Variants in SEMA3D observed in about 807,000 individuals in gnomAD.
SEMA3D encodes semaphorin 3D, also known as semaphorin-3D.
Under a neutral mutation model 100.1 loss-of-function variants are expected in SEMA3D, and 84 were observed. That is an observed-to-expected ratio of 0.84 (90% CI 0.70 to 1.01). SEMA3D has a LOEUF of 1.01. Ranked by LOEUF, SEMA3D falls within the 50% of genes least tolerant of loss-of-function variation. The pLI, the probability that SEMA3D is intolerant of heterozygous loss-of-function variation, is 0.00. For synonymous variants in SEMA3D, 312 were observed against 320.7 expected (o/e 0.97, Z 0.29); for missense variants, 875 against 934.1 (o/e 0.94, Z 0.82).
intron 2 of SEMA3D, chr7:85,141,396 AAATT>A: frequency 2.0e-6 from 2 of 984,594 alleles, no homozygotes; most frequent in Non-Finnish European, 2.4e-6. Flanking sequence ...AATCCAGAGA[AAATT>A]AATCATTGTA....
chr7:85,207,764 G>T, the SEMA3D span, among the ~76,000 whole-genome samples: 10 of 151,886 alleles, frequency 6.6e-5, no homozygotes, highest in African/African-American at 1.4e-4. Context: ...TATTCACAAA[G>T]ATTTTCTTTA....
chr7:85,114,540 G>A lies in SEMA3D; in HGVS notation c.151+7201C>T, dbSNP rs549754205. On this transcript the variant is annotated intron_variant, in intron 3 of 18. Transcript: ENST00000284136. ...AGAAATGACTCATAGTAGCCCTGGA[G>A]AGCTGGTAGGGAAGTATGGGTGTGT... Among the ~76,000 whole-genome samples the A allele has an allele frequency of 6.6e-5, 10 of 152,228 alleles. No homozygotes were observed. In the South Asian group the frequency reaches 1.9e-3, roughly 28 times the overall value.
intron 12 of SEMA3D, among the ~76,000 whole-genome samples, chr7:85,036,459 A>T (rs534546952): frequency 6.6e-6 from 1 of 152,314 alleles, no homozygotes; most frequent in Admixed American, 6.5e-5. Context: ...ATACCAAAAA[A>T]GAGATAAATT....
At chr7:85,126,499 C>A (rs1789575592) in intron 2 of SEMA3D, among the ~76,000 whole-genome samples, 3 of 149,906 alleles carry the variant, frequency 2.0e-5, no homozygotes, top group African/African-American at 7.4e-5. Context: ...GCTCTTTGTT[C>A]TTTATACCTT....
chr7:85,135,555 A>C (rs2116446002), intron 2 of SEMA3D, among the ~76,000 whole-genome samples: 1 of 152,054 alleles, frequency 6.6e-6, no homozygotes, highest in South Asian at 2.1e-4. Context: ...TAGCTAATGT[A>C]AATGATGAGT....
At chr7:85,240,152 A>C in the SEMA3D span, among the ~76,000 whole-genome samples, 1 of 152,214 alleles carries the variant, frequency 6.6e-6, no homozygotes, top group Admixed American at 6.6e-5. Context: ...GGCTTTTTGT[A>C]GATGATCTTA....
At chr7:85,116,724 A>G (rs549402912) in intron 3 of SEMA3D, among the ~76,000 whole-genome samples, 194 of 152,134 alleles carry the variant, frequency 1.3e-3, no homozygotes, top group African/African-American at 4.4e-3. Context: ...GTTATATTCT[A>G]GAAGTTTTAG....
At chr7:85,052,577 C>T (rs1791197735) in intron 9 of SEMA3D, among the ~76,000 whole-genome samples, 1 of 151,984 alleles carries the variant, frequency 6.6e-6, no homozygotes, top group Admixed American at 6.6e-5. Flanking sequence ...GTCCCACTTC[C>T]TCATAGAACT....
At chr7:85,173,964 A>G (rs1791155348) in intron 1 of SEMA3D, among the ~76,000 whole-genome samples, 2 of 152,194 alleles carry the variant, frequency 1.3e-5, no homozygotes, top group African/African-American at 4.8e-5. Context: ...TACTAAAGTG[A>G]GTGACTGCCT....
At chr7:85,016,250 C>CTTTTTTTTTTT (rs59812080) in intron 15 of SEMA3D, among the ~76,000 whole-genome samples, 1 of 128,768 alleles carries the variant, frequency 7.8e-6, no homozygotes, top group Non-Finnish European at 1.7e-5. Flanking sequence ...TTTGTGATTC[C>CTTTTTTTTTTT]TTTTTTTTTT....
chr7:85,114,564 G>A lies in SEMA3D; in HGVS notation c.151+7177C>T, dbSNP rs554219329. On this transcript the variant is annotated intron_variant, in intron 3 of 18. Transcript: ENST00000284136. ...AGAGCTGGTAGGGAAGTATGGGTGTGTGCTGAGGGTGTGTTGGAAGATATC... is the reference window on the plus strand; with the variant it reads ...AGAGCTGGTAGGGAAGTATGGGTGTATGCTGAGGGTGTGTTGGAAGATATC... Among the ~76,000 whole-genome samples, 178 of 152,256 alleles carry A rather than the reference G, an allele frequency of 1.2e-3. 1 individual carries two copies. The highest frequency in any genetic ancestry group is 4.0e-3 in the African/African-American group (168 of 41,552).
chr7:85,164,246 A>G (rs1208931422), intron 1 of SEMA3D, among the ~76,000 whole-genome samples: 2 of 152,178 alleles, frequency 1.3e-5, no homozygotes, highest in Non-Finnish European at 2.9e-5. Context: ...TCACTACATA[A>G]TATCACTGTA....
upstream of SEMA3D, among the ~76,000 whole-genome samples, chr7:85,188,338 A>T (rs1791618124): frequency 6.6e-6 from 1 of 152,316 alleles, no homozygotes; most frequent in Non-Finnish European, 1.5e-5. Flanking sequence ...ACTCACAACC[A>T]ATCAACCCCA....
intron 2 of SEMA3D, among the ~76,000 whole-genome samples, chr7:85,149,821 A>G (rs1790315924): frequency 6.6e-6 from 1 of 152,180 alleles, no homozygotes; most frequent in Non-Finnish European, 1.5e-5. Flanking sequence ...GGAGTAATAC[A>G]GTGAACTCAT....
intron 3 of SEMA3D, among the ~76,000 whole-genome samples, chr7:85,117,998 A>T (rs1171959793): frequency 6.6e-6 from 1 of 151,970 alleles, no homozygotes; most frequent in Non-Finnish European, 1.5e-5. Context: ...GGAATACAAA[A>T]GAACTTTCTA....
At chr7:85,011,404 G>A (rs1045420670) in intron 17 of SEMA3D, among the ~76,000 whole-genome samples, 5 of 151,786 alleles carry the variant, frequency 3.3e-5, no homozygotes, top group African/African-American at 1.2e-4. Flanking sequence ...AGCATGAATA[G>A]GGTATGGTAA....
intron 4 of SEMA3D, among the ~76,000 whole-genome samples, chr7:85,088,965 T>G (rs891984290): frequency 6.6e-6 from 1 of 152,204 alleles, no homozygotes; most frequent in Admixed American, 6.5e-5. Flanking sequence ...TGTCTTCTAC[T>G]ACACTTTTGC....
chr7:85,200,906 A>AGGCCAT, the SEMA3D span, among the ~76,000 whole-genome samples: 2 of 152,356 alleles, frequency 1.3e-5, no homozygotes, highest in Admixed American at 1.3e-4. Flanking sequence ...AGTAGAGCTC[A>AGGCCAT]GGCCATGAAA....
At chr7:85,228,298 T>A in the SEMA3D span, among the ~76,000 whole-genome samples, 1 of 152,096 alleles carries the variant, frequency 6.6e-6, no homozygotes, top group Admixed American at 6.6e-5. Flanking sequence ...CAGATAAAAA[T>A]CGCGAAAGAA....
Sources: allele counts gnomAD v4.1 joint callset (sites outside exome capture counted in the v4.1 genomes callset), GRCh38; gene constraint gnomAD v4.1.1; transcripts MANE v1.5; gene names NCBI Gene and HGNC (gene_info 2026-07-23, HGNC 2026-07-21).